The following ZNF736 variants were observed in gnomAD, a reference collection of about 807,000 sequenced individuals.
ZNF736 encodes the protein zinc finger protein 736, also known as KRAB-containing zinc-finger repressor protein.
A neutral mutation model predicts 11.7 loss-of-function variants in ZNF736; 6 were observed. That is an observed-to-expected ratio of 0.51 (90% CI 0.28 to 1.01). The LOEUF is 1.01. ZNF736 is among the 50% of genes least tolerant of loss of function. The pLI is 0.09. For missense variants in ZNF736, 444 were observed against 496.0 expected (o/e 0.90, Z 1.00); for synonymous variants, 139 against 164.7 (o/e 0.84, Z 1.19).
At chr7:64,339,290 T>C (rs1366473475) in intron 3 of ZNF736, among the ~76,000 whole-genome samples, 2 of 152,192 alleles carry the variant, frequency 1.3e-5, no homozygotes, top group East Asian at 1.9e-4. Flanking sequence ...TGTTTTAGTT[T>C]GATGCAGTTT....
chr7:64,321,116 G>A (rs753045852), intron 1 of ZNF736, among the ~76,000 whole-genome samples: 7 of 152,134 alleles, frequency 4.6e-5, no homozygotes, highest in Non-Finnish European at 8.8e-5. Flanking sequence ...ACTCCTCAAG[G>A]TGTCACCCAA....
At chr7:64,337,746 G>T (rs56403645) in intron 3 of ZNF736, among the ~76,000 whole-genome samples, 41,029 of 78,248 alleles carry the variant, frequency 0.52, 6,426 homozygotes, top group African/African-American at 0.54. Flanking sequence ...GTTTTGTTTT[G>T]TTTTTTTTGG....
chr7:64,322,390 G>T (rs1789015141), intron 1 of ZNF736, among the ~76,000 whole-genome samples: 2 of 151,876 alleles, frequency 1.3e-5, no homozygotes, highest in Admixed American at 1.3e-4. Flanking sequence ...TGAGTTTCTA[G>T]GTATAGTATA....
intron 3 of ZNF736, among the ~76,000 whole-genome samples, chr7:64,345,075 G>A (rs1183822655): frequency 1.3e-5 from 2 of 151,076 alleles, no homozygotes; most frequent in Admixed American, 6.6e-5. Context: ...CCAGGCTGGA[G>A]TGCAGTGGCG....
chr7:64,335,607 TG>T (rs1789236736), intron 1 of ZNF736, among the ~76,000 whole-genome samples: 1 of 152,372 alleles, frequency 6.6e-6, no homozygotes, highest in Non-Finnish European at 1.5e-5. Context: ...TATCAAGTGA[TG>T]TGCAAAAACA....
In ZNF736 at chr7:64,350,883, CAACT is replaced by C. The variant is rs1174419916; in HGVS notation, c.*1737_*1740del. The C allele has an allele frequency of 6.6e-6, 1 of 152,036 alleles. No individual in the cohort carries two copies. The highest frequency in any genetic ancestry group is 2.4e-5 in the African/African-American group (1 of 41,334). The allele number at this position is 152,036 out of a possible 1,614,324, so 9.4% of individuals were successfully genotyped here. A position where few individuals can be genotyped will look rare whatever the true frequency, so the allele number is the denominator to read the frequency against. On this transcript the variant is annotated 3_prime_UTR_variant, in exon 4 of 4. Transcript: ENST00000423484. ...ACTCCGGGGGACTTGTTTTGAGCCC[CAACT>C]GTGTTCTCTGGCTCCTTGAGATTTG... is the stretch of plus-strand genomic sequence containing the variant.
rs1361255116 is a variant in ZNF736 at position 64,348,110 on chromosome 7, G to T, written c.247G>T (p.Ala83Ser). 6.6e-7 allele frequency: 1 copy of T among 1,523,438 alleles called. No individual in the cohort carries two copies. The highest frequency in any genetic ancestry group is 8.8e-7 in the Non-Finnish European group (1 of 1,137,650). 94.4% of individuals were successfully genotyped at this position (1,523,438 alleles called of 1,614,324 possible). A position where few individuals can be genotyped will look rare whatever the true frequency, so the allele number is the denominator to read the frequency against. ...TCCAGCTGGTTCTTTTCATTTTACT[G>T]CAGAGATATTGCCGGATCATGACAT... Reference protein sequence around the residue: ...KHPAGSFHFTAEILPDHDIKD... With the variant: ...KHPAGSFHFTSEILPDHDIKD... The change falls in exon 4 of 4, where the codon GCA becomes TCA. Residue 83 changes from alanine (A) to serine (S), a missense_variant. Ala to Ser is a moderately conservative substitution (Grantham distance 99). Coordinates refer to ENST00000423484, the MANE Select transcript of ZNF736 (RefSeq NM_001170905.3).
chr7:64,346,710 A>T (rs1789414729), intron 3 of ZNF736, among the ~76,000 whole-genome samples: 2 of 151,152 alleles, frequency 1.3e-5, no homozygotes, highest in African/African-American at 2.4e-5. Flanking sequence ...GAGCTTCTTG[A>T]TTTTCTTATA....
At chr7:64,331,527 C>T (rs1269149410) in intron 1 of ZNF736, among the ~76,000 whole-genome samples, 1 of 152,144 alleles carries the variant, frequency 6.6e-6, no homozygotes, top group Non-Finnish European at 1.5e-5. Flanking sequence ...TGATCACTCC[C>T]CAGAGTTTTT....
chr7:64,336,509 G>T (rs1789252719), intron 2 of ZNF736, 124 bp downstream of exon 2: 4 of 1,035,182 alleles, frequency 3.9e-6, no homozygotes, highest in East Asian at 2.7e-5. Context: ...GAAAAAATTG[G>T]GTATCTGTTG....
Position 64,314,158 on chromosome 7 carries a change from G to A in ZNF736, c.3+5G>A. 2 of 1,552,134 alleles carry A rather than the reference G, an allele frequency of 1.3e-6. No homozygotes were observed. Among genetic ancestry groups the A allele is most frequent in the Non-Finnish European group, 1.7e-6 (2 of 1,147,300 alleles). ...ACATCTGGAGGCTGGGAAATGGTGA[G>A]TGCGTGGAGTGGGTGTCCCGAGAAT... On this transcript the variant is annotated splice_donor_5th_base_variant and intron_variant, in intron 1 of 3. Transcript: ENST00000423484.
intron 3 of ZNF736, among the ~76,000 whole-genome samples, chr7:64,337,674 G>A (rs1041335283): frequency 4.6e-5 from 7 of 150,946 alleles, no homozygotes; most frequent in Non-Finnish European, 7.4e-5. Flanking sequence ...TACTTCATAC[G>A]TTTATTAAAT....
In ZNF736 at chr7:64,348,111, C is replaced by A; in HGVS notation, c.248C>A (p.Ala83Glu). Residue 83 changes from alanine to glutamate, a missense_variant, in exon 4 of 4, where the codon GCA becomes GAA. Physicochemically the swap from Ala to Glu is moderately radical, Grantham distance 107. Coordinates refer to ENST00000423484, the MANE Select transcript of ZNF736 (RefSeq NM_001170905.3). ...CCAGCTGGTTCTTTTCATTTTACTG[C>A]AGAGATATTGCCGGATCATGACATA... Reference protein sequence around the residue: ...KHPAGSFHFTAEILPDHDIKD... With the variant: ...KHPAGSFHFTEEILPDHDIKD... The A allele has an allele frequency of 6.6e-7, 1 of 1,522,992 alleles. No individual in the cohort carries two copies. Among genetic ancestry groups the A allele is most frequent in the South Asian group, 1.3e-5 (1 of 78,922 alleles). 94.3% of individuals were successfully genotyped at this position (1,522,992 alleles called of 1,614,324 possible).
chr7:64,342,960 C>G (rs1245124186), intron 3 of ZNF736, among the ~76,000 whole-genome samples: 2 of 151,570 alleles, frequency 1.3e-5, no homozygotes, highest in Non-Finnish European at 2.9e-5. Context: ...GTTGCCTTGC[C>G]TTTACATTTT....
At chr7:64,328,616 G>T (rs1207600491) in intron 1 of ZNF736, among the ~76,000 whole-genome samples, 2 of 152,070 alleles carry the variant, frequency 1.3e-5, no homozygotes, top group African/African-American at 2.4e-5. Context: ...CAAAAAATTA[G>T]CCAGGTGTGG....
rs576088770 is a variant in ZNF736, at chr7:64,319,636, C to T, written c.3+5483C>T. On this transcript the variant is annotated intron_variant, in intron 1 of 3. Coordinates refer to ENST00000423484, the MANE Select transcript of ZNF736 (RefSeq NM_001170905.3). ...TCAGCCTCCCAAGTAGCTGGGATTA[C>T]AGGTGCCTGCCACCACGCCTGGCTA... 2.0e-5 allele frequency among the ~76,000 whole-genome samples: 3 copies of T among 150,622 alleles called. 1 individual carries two copies. Among genetic ancestry groups the T allele is most frequent in the Admixed American group, 6.7e-5 (1 of 15,030 alleles).
In ZNF736 at chr7:64,348,792, A is replaced by C. The variant is rs573589791; in HGVS notation, c.929A>C (p.Asp310Ala). ...LAKHKIIHTG[D>A]KPYTCNECGK... ...AAACATAAGATAATTCATACTGGAGACAAACCCTACACATGTAATGAATGT... is the reference window on the plus strand; with the variant it reads ...AAACATAAGATAATTCATACTGGAGCCAAACCCTACACATGTAATGAATGT... The change falls in exon 4 of 4, where the codon GAC becomes GCC. Residue 310 changes from aspartate (D) to alanine (A), a missense_variant. Asp to Ala is a moderately radical substitution (Grantham distance 126, BLOSUM62 -2). Transcript: ENST00000423484. The C allele has an allele frequency of 6.4e-5, 102 of 1,586,744 alleles. No individual in the cohort carries two copies. The South Asian group carries it at 1.1e-3, about 17-fold the overall frequency.
chr7:64,355,305 GT>G lies in ZNF736; in HGVS notation c.*6162del. ...TTTTCATATAGATTAATAAAATATG[GT>G]TTTAGTCTTCCTTCTCTATATTCTG... is the stretch of plus-strand genomic sequence containing the variant. On this transcript the variant is annotated 3_prime_UTR_variant, in exon 4 of 4. Transcript: ENST00000423484. 6.2e-6 allele frequency: 1 copy of G among 160,182 alleles called. No homozygotes were observed. The allele number at this position is 160,182 out of a possible 1,614,324, so 9.9% of individuals were successfully genotyped here.
chr7:64,334,215 C>A (rs1789214413), intron 1 of ZNF736, among the ~76,000 whole-genome samples: 1 of 152,106 alleles, frequency 6.6e-6, no homozygotes, highest in Non-Finnish European at 1.5e-5. Context: ...CTAGGTAATA[C>A]CATTTAGGAC....
Sources: gnomAD v4.1 joint callset for allele counts (sites outside exome capture counted in the v4.1 genomes callset) on GRCh38, gnomAD v4.1.1 for gene constraint, MANE v1.5 for transcripts, NCBI Gene and HGNC (gene_info 2026-07-23, HGNC 2026-07-21) for gene names.